The following CHERP variants were observed in gnomAD, a reference collection of about 807,000 sequenced individuals.
CHERP encodes calcium homeostasis endoplasmic reticulum protein.
CHERP carries 8 observed loss-of-function variants against 113.8 expected under a neutral mutation model. That is an observed-to-expected ratio of 0.07 (90% CI 0.04 to 0.13). The LOEUF is 0.13. Ranked by LOEUF, CHERP falls within the 10% of genes least tolerant of loss-of-function variation. The pLI, the probability that CHERP is intolerant of heterozygous loss-of-function variation, is 1.00. For synonymous variants in CHERP, 559 were observed against 524.5 expected (o/e 1.07, Z -0.90); for missense variants, 884 against 1,298.2 (o/e 0.68, Z 4.90).
Position 16,530,006 on chromosome 19 carries a change from G to A in CHERP, c.877-106C>T. 1 of 1,432,852 alleles carries A rather than the reference G, an allele frequency of 7.0e-7. No individual in the cohort carries two copies. The highest frequency in any genetic ancestry group is 9.4e-7 in the Non-Finnish European group (1 of 1,068,432). The allele number at this position is 1,432,852 out of a possible 1,614,324, so 88.8% of individuals were successfully genotyped here. Reference sequence around the variant, plus strand: ...AGCAGCAGAGCCTGGGGGACCTGGGGCAGGTGGACAGGGAACCGTCACGTG... The same window carrying A: ...AGCAGCAGAGCCTGGGGGACCTGGGACAGGTGGACAGGGAACCGTCACGTG... On this transcript the variant is annotated intron_variant, in intron 7 of 16. Coordinates refer to ENST00000546361, the MANE Select transcript of CHERP (RefSeq NM_006387.6). The surrounding 1 kb of genome is among the most constrained non-coding windows in gnomAD (Gnocchi z 4.1).
Position 16,533,046 on chromosome 19 carries a change from G to T in CHERP, c.487C>A (p.Pro163Thr). The part of the protein sequence containing the change: ...DMNEFDNLLQ[P>T]IIDTCTKDAI... Reference sequence around the variant, plus strand: ...TCCTTGGTGCACGTGTCGATGATGGGCTGCAGGAGGTTGTCAAACTCGTTC... The same window carrying T: ...TCCTTGGTGCACGTGTCGATGATGGTCTGCAGGAGGTTGTCAAACTCGTTC... The change falls in exon 4 of 17, where the codon CCC becomes ACC. Residue 163 changes from proline to threonine, a missense_variant. Around this residue, in one of 8 missense-constraint regions of CHERP, gnomAD observed 73 missense variants for 182.4 expected, o/e 0.40. Coordinates refer to ENST00000546361, the MANE Select transcript of CHERP (RefSeq NM_006387.6). 6.4e-7 allele frequency: 1 copy of T among 1,571,168 alleles called. No homozygotes were observed. The highest frequency in any genetic ancestry group is 1.9e-5 in the Admixed American group (1 of 53,048).
At chr19:16,527,445 G>A (rs1300048393) in intron 9 of CHERP, among the ~76,000 whole-genome samples, 1 of 152,212 alleles carries the variant, frequency 6.6e-6, no homozygotes, top group Non-Finnish European at 1.5e-5. Flanking sequence ...CCTGCAGACA[G>A]GGAGTCACCT....
chr19:16,519,169 T>A lies in CHERP; in HGVS notation c.2741A>T (p.Glu914Val). The part of the protein sequence containing the change: ...SFIARMKARD[E>V]CK ...TCCCGGCATGGGCGCCTACTTACAC[T>A]CGTCCCTGGCCTTCATGCGGGCGAT... The change falls in exon 17 of 17, where the codon GAG becomes GTG. Residue 914 changes from glutamate (E) to valine (V), a missense_variant. This residue lies in a region of CHERP where 42 missense variants were observed against 105.1 expected (regional missense o/e 0.40). Coordinates refer to ENST00000546361, the MANE Select transcript of CHERP (RefSeq NM_006387.6). The surrounding 1 kb of genome is among the most constrained non-coding windows in gnomAD (Gnocchi z 6.0). 1 of 1,613,262 alleles carries A rather than the reference T, an allele frequency of 6.2e-7. No homozygotes were observed.
In CHERP at chr19:16,529,804, C is replaced by G. The variant is rs754763680; in HGVS notation, c.973G>C (p.Val325Leu). Residue 325 changes from valine (V) to leucine (L), a missense_variant, in exon 8 of 17, where the codon GTC becomes CTC. Physicochemically the swap from Val to Leu is conservative, Grantham distance 32 (BLOSUM62 1). Around this residue, in one of 8 missense-constraint regions of CHERP, gnomAD observed 464 missense variants for 590.1 expected, o/e 0.79. Transcript: ENST00000546361. ...QTLKTQHEEF[V>L]TSLAQQQQQQ... is the part of the protein sequence containing the mutation. ...TGCTGCTGCTGGGCCAGGCTGGTGA[C>G]AAACTCCTCGTGCTGCGTCTTGAGG... The G allele has an allele frequency of 1.2e-6, 2 of 1,613,482 alleles. No homozygotes were observed. Among genetic ancestry groups the G allele is most frequent in the African/African-American group, 2.7e-5 (2 of 74,922 alleles).
intron 11 of CHERP, among the ~76,000 whole-genome samples, chr19:16,521,979 C>T (rs761141769): frequency 3.7e-4 from 57 of 152,242 alleles, no homozygotes; most frequent in Non-Finnish European, 6.3e-4. Context: ...GGGCCCCTCA[C>T]GTCACCCTTT....
At position 16,520,186 on chromosome 19, in the gene CHERP, T is replaced by C; in HGVS notation, c.2425A>G (p.Arg809Gly). 6.2e-7 allele frequency: 1 copy of C among 1,613,290 alleles called. No individual in the cohort carries two copies. The highest frequency in any genetic ancestry group is 8.5e-7 in the Non-Finnish European group (1 of 1,180,018). Residue 809 changes from arginine to glycine, a missense_variant, in exon 15 of 17, where the codon AGA (arginine) becomes GGA (glycine). This residue lies in a region of CHERP where 159 missense variants were observed against 185.8 expected (regional missense o/e 0.86). Transcript: ENST00000546361. The surrounding 1 kb of genome is among the most constrained non-coding windows in gnomAD (Gnocchi z 4.0). Reference sequence around the variant, plus strand: ...CTCCTGGACCGTGACCGGCGTCTTCTTCCTGGGGAGTACGACTTGGACCGG... The same window carrying C: ...CTCCTGGACCGTGACCGGCGTCTTCCTCCTGGGGAGTACGACTTGGACCGG... ...RSRSKSYSPG[R>G]RRRSRSRSPT...
At chr19:16,522,595 G>T (rs1194703662) in intron 11 of CHERP, among the ~76,000 whole-genome samples, 1 of 152,008 alleles carries the variant, frequency 6.6e-6, no homozygotes, top group Non-Finnish European at 1.5e-5. Context: ...CTTGCCCTAT[G>T]CTCCGGCCAT....
At chr19:16,528,615 T>G (rs1332048675) in intron 8 of CHERP, among the ~76,000 whole-genome samples, 1 of 152,226 alleles carries the variant, frequency 6.6e-6, no homozygotes, top group Non-Finnish European at 1.5e-5. Context: ...TATACAATCC[T>G]CATATTCCTA....
rs1448811450 is a variant in CHERP at position 16,519,432 on chromosome 19, G to C, written c.2558-80C>G. 2.1e-6 allele frequency: 3 copies of C among 1,456,370 alleles called. No individual in the cohort carries two copies. Among genetic ancestry groups the C allele is most frequent in the African/African-American group, 1.4e-5 (1 of 71,280 alleles). The allele number at this position is 1,456,370 out of a possible 1,614,324, so 90.2% of individuals were successfully genotyped here. ...ACGTGGGGGGCTGAATGTCCAGACA[G>C]GCAGTGTAGACATGGGAAATGGGTA... On this transcript the variant is annotated intron_variant, in intron 16 of 16. Coordinates refer to ENST00000546361, the MANE Select transcript of CHERP (RefSeq NM_006387.6). The surrounding 1 kb of genome is among the most constrained non-coding windows in gnomAD (Gnocchi z 6.0).
rs61729416 is a variant in CHERP, at chr19:16,519,285, G to A, written c.2625C>T (p.Asp875=). The A allele has an allele frequency of 1.2e-3, 1,882 of 1,613,970 alleles. 23 individuals carry two copies. The African/African-American group carries it at 0.023, about 19-fold the overall frequency. ...TATACTGGTCCCACTTATCCCGGAC[G>A]TCCCCGCCCTTGATGGGGTCCTGGA... is the stretch of plus-strand genomic sequence containing the variant. ...QGIQDPIKGG[D]VRDKWDQYKG... Residue 875 remains aspartate, a synonymous_variant, in exon 17 of 17, where the codon GAC becomes GAT. Transcript: ENST00000546361. The surrounding 1 kb of genome is among the most constrained non-coding windows in gnomAD (Gnocchi z 6.0).
Position 16,519,369 on chromosome 19 carries a change from A to G in CHERP, c.2558-17T>C, listed in dbSNP as rs770867301. On this transcript the variant is annotated splice_polypyrimidine_tract_variant and intron_variant, in intron 16 of 16. Coordinates refer to ENST00000546361, the MANE Select transcript of CHERP (RefSeq NM_006387.6). This position sits in a 1 kb window ranked among gnomAD's most constrained non-coding sequence, Gnocchi z 6.0. ...CGCTCCAGCCTGGAAACAGAGACGCAGTCACAACCACAACAAGGCGGAGGC... is the reference window on the plus strand; with the variant it reads ...CGCTCCAGCCTGGAAACAGAGACGCGGTCACAACCACAACAAGGCGGAGGC... 1.2e-6 allele frequency: 2 copies of G among 1,607,188 alleles called. No homozygotes were observed. The highest frequency in any genetic ancestry group is 2.2e-5 in the East Asian group (1 of 44,854).
Position 16,525,055 on chromosome 19 carries a change from C to T in CHERP, c.1741+187G>A, listed in dbSNP as rs1331952041. Among the ~76,000 whole-genome samples, 1 of 152,318 alleles carries T rather than the reference C, an allele frequency of 6.6e-6. No individual in the cohort carries two copies. Among genetic ancestry groups the T allele is most frequent in the East Asian group, 1.9e-4 (1 of 5,182 alleles). The stretch of plus-strand genomic sequence containing the variant: ...TGCAGCCAGCCGGGCCTCATCAGGG[C>T]GGCAAAACTGAGTCTGTGCCCCCAC... On this transcript the variant is annotated intron_variant, in intron 10 of 16. Transcript: ENST00000546361. The surrounding 1 kb of genome is among the most constrained non-coding windows in gnomAD (Gnocchi z 6.5).
At chr19:16,529,949 G>A (rs746418529) in intron 7 of CHERP, 49 bp from the exon 8 acceptor site, 3 of 1,567,940 alleles carry the variant, frequency 1.9e-6, no homozygotes, top group Non-Finnish European at 2.6e-6. Context: ...CTTGGGGCTC[G>A]CTGCCTGGCG....
intron 2 of CHERP, among the ~76,000 whole-genome samples, chr19:16,538,463 T>A (rs1026960233): frequency 1.3e-5 from 2 of 152,192 alleles, no homozygotes; most frequent in Non-Finnish European, 2.9e-5. Flanking sequence ...GGTGGGCGGA[T>A]CATGAGTTCA....
At chr19:16,531,448 T>C (rs893950564) in intron 5 of CHERP, among the ~76,000 whole-genome samples, 8 of 151,998 alleles carry the variant, frequency 5.3e-5, no homozygotes, top group African/African-American at 1.7e-4. Context: ...CACAGGACAC[T>C]GTGCATACCT....
intron 9 of CHERP, chr19:16,526,335 G>GT (rs1301063233): frequency 6.6e-6 from 1 of 152,448 alleles, no homozygotes; most frequent in African/African-American, 2.4e-5. Context: ...AGGCCAATGA[G>GT]AAGGCCGGTG....
At position 16,518,871 on chromosome 19, in the gene CHERP, G is replaced by A. The variant is rs977363864; in HGVS notation, c.*288C>T. On this transcript the variant is annotated 3_prime_UTR_variant, in exon 17 of 17. Coordinates refer to ENST00000546361, the MANE Select transcript of CHERP (RefSeq NM_006387.6). ...CCCTTCGTGGCTGAAGAATTTACTC[G>A]GGCGGAGGGTCTTGTGTTTTTTGCT... 1.4e-5 allele frequency: 6 copies of A among 422,830 alleles called. No homozygotes were observed. Among genetic ancestry groups the A allele is most frequent in the African/African-American group, 4.1e-5 (2 of 48,346 alleles). 26.2% of individuals were successfully genotyped at this position (422,830 alleles called of 1,614,324 possible).
At position 16,520,377 on chromosome 19, in the gene CHERP, G is replaced by C; in HGVS notation, c.2332C>G (p.Arg778Gly). 1.2e-6 allele frequency: 2 copies of C among 1,613,920 alleles called. No homozygotes were observed. Among genetic ancestry groups the C allele is most frequent in the Non-Finnish European group, 8.5e-7 (1 of 1,179,940 alleles). ...RSRSCSRSYS[R>G]SRSRSRSRSR... Reference sequence around the variant, plus strand: ...GCCTCTGCCTACCTAGATCTGGAGCGGGAGTAGGAACGGGAGCAGGAGCGC... The same window carrying C: ...GCCTCTGCCTACCTAGATCTGGAGCCGGAGTAGGAACGGGAGCAGGAGCGC... The change falls in exon 14 of 17, where the codon CGC becomes GGC. Residue 778 changes from arginine to glycine, a missense_variant. Coordinates refer to ENST00000546361, the MANE Select transcript of CHERP (RefSeq NM_006387.6). This position sits in a 1 kb window ranked among gnomAD's most constrained non-coding sequence, Gnocchi z 4.0.
At chr19:16,540,046 ACT>A in intron 2 of CHERP, 1 of 150,272 alleles carries the variant, frequency 6.7e-6, no homozygotes, top group Admixed American at 6.6e-5. Context: ...GCAATGTTCT[ACT>A]CTCTCAGCCT....
Sources: allele counts gnomAD v4.1 joint callset (sites outside exome capture counted in the v4.1 genomes callset), GRCh38; gene constraint gnomAD v4.1.1; regional missense constraint gnomAD v4.1.1; non-coding constraint Gnocchi (gnomAD v3.1); transcripts MANE v1.5; gene names NCBI Gene and HGNC (gene_info 2026-07-23, HGNC 2026-07-21).